Variants in TSPYL2 observed in about 807,000 individuals in gnomAD.
TSPYL2 encodes TSPY like 2, also known as testis-specific Y-encoded-like protein 2.
Under a neutral mutation model 33.0 loss-of-function variants are expected in TSPYL2, and 9 were observed. The ratio of observed to expected loss-of-function variants is 0.27; its 90% CI spans 0.16 to 0.48. The LOEUF is 0.48. TSPYL2 is among the 20% of genes least tolerant of loss of function. TSPYL2 has a pLI of 0.99. For synonymous variants in TSPYL2, 330 were observed against 233.6 expected, an observed-to-expected ratio of 1.41 and a Z score of -3.77; for missense variants, 636 against 586.2, an observed-to-expected ratio of 1.08 and a Z score of -0.88.
Position 53,082,966 on chromosome X carries a change from C to G in TSPYL2, c.468C>G (p.Pro156=), listed in dbSNP as rs1183440733. The G allele has an allele frequency of 1.7e-6, 2 of 1,208,431 alleles. No homozygotes were observed. The highest frequency in any genetic ancestry group is 2.2e-6 in the Non-Finnish European group (2 of 894,776). The change falls in exon 1 of 7, where the codon CCC becomes CCG. Residue 156 remains proline (P), a synonymous_variant. Coordinates refer to ENST00000375442, the MANE Select transcript of TSPYL2 (RefSeq NM_022117.4). ...CCTGTAGCGCAGTGGGGTGGGCGCC[C>G]CAGAGGTTAGTTGACCCGAAGAGCA... is the stretch of plus-strand genomic sequence containing the variant. ...LETCSAVGWA[P]QRLVDPKSKE...
rs1932668020 is a variant in TSPYL2 at position 53,083,159 on chromosome X, G to A, written c.661G>A (p.Asp221Asn). ...RMESILQALE[D>N]IQLDLEAVNI... ...GGAGAGCATCCTGCAGGCACTGGAG[G>A]ATATTCAGCTGGATCTGGAGGCAGT... is the stretch of plus-strand genomic sequence containing the variant. Residue 221 changes from aspartate to asparagine, a missense_variant, in exon 1 of 7, where the codon GAT becomes AAT. Transcript: ENST00000375442. The A allele has an allele frequency of 1.7e-6, 2 of 1,211,276 alleles. No individual in the cohort carries two copies. The highest frequency in any genetic ancestry group is 2.2e-6 in the Non-Finnish European group (2 of 895,412).
At chrX:53,084,025 A>C (rs1556807726) in intron 1 of TSPYL2, among the ~76,000 whole-genome samples, 3 of 112,161 alleles carry the variant, frequency 2.7e-5, no homozygotes. Context: ...ATGAAACAGC[A>C]CATGGTAAGA....
At chrX:53,083,343 G>A (rs782735362) in intron 1 of TSPYL2, 38 bp downstream of exon 1, 1 of 1,146,767 alleles carries the variant, frequency 8.7e-7, no homozygotes, top group South Asian at 1.8e-5. Flanking sequence ...TCAGAAGCCC[G>A]TGACAGGAAA....
Position 53,082,372 on chromosome X carries a change from G to T in TSPYL2, c.-127G>T, listed in dbSNP as rs1268805378. 3 of 618,043 alleles carry T rather than the reference G, an allele frequency of 4.9e-6. No individual in the cohort carries two copies. Among genetic ancestry groups the T allele is most frequent in the Non-Finnish European group, 6.9e-6 (3 of 432,634 alleles). 50.9% of individuals were successfully genotyped at this position (618,043 alleles called of 1,213,427 possible). On this transcript the variant is annotated 5_prime_UTR_variant, in exon 1 of 7. Coordinates refer to ENST00000375442, the MANE Select transcript of TSPYL2 (RefSeq NM_022117.4). Reference sequence around the variant, plus strand: ...GCGCTGTGGGAGGGAACGCCAGAGCGAGGTGGTGAGGAGAGCTGGTTGCGT... The same window carrying T: ...GCGCTGTGGGAGGGAACGCCAGAGCTAGGTGGTGAGGAGAGCTGGTTGCGT...
chrX:53,083,370 G>A (rs999544965), intron 1 of TSPYL2, 65 bp downstream of exon 1: 2 of 1,033,817 alleles, frequency 1.9e-6, no homozygotes, highest in African/African-American at 3.8e-5. Flanking sequence ...GGTGGGGGAG[G>A]GACAGAAAAG....
rs781877823 is a variant in TSPYL2, at chrX:53,084,720, G to A, written c.886-35G>A. On this transcript the variant is annotated intron_variant, in intron 2 of 6. Transcript: ENST00000375442. ...GGAAGGGCCGTGGTGTGTTGGGGGG[G>A]GGACAGATTCCACCATCACCCCCAC... The A allele has an allele frequency of 1.3e-5, 16 of 1,189,066 alleles. No individual in the cohort carries two copies. The South Asian group carries it at 2.9e-4, about 21-fold the overall frequency.
rs1420707628 is a variant in TSPYL2 at position 53,082,723 on chromosome X, C to T, written c.225C>T (p.Pro75=). ...GLGPALPPPP[P]YVILEEGGIR... is the part of the protein sequence containing the mutation. ...GCCCCGCGCTGCCCCCGCCGCCTCC[C>T]TATGTCATTCTCGAGGAGGGGGGGA... The change falls in exon 1 of 7, where the codon CCC becomes CCT. Residue 75 remains proline (P), a synonymous_variant. Coordinates refer to ENST00000375442, the MANE Select transcript of TSPYL2 (RefSeq NM_022117.4). 1.6e-5 allele frequency: 19 copies of T among 1,161,098 alleles called. No individual in the cohort carries two copies. The highest frequency in any genetic ancestry group is 1.9e-5 in the Non-Finnish European group (17 of 873,441).
intron 4 of TSPYL2, 50 bp from the exon 5 acceptor site, chrX:53,085,177 C>A: frequency 8.4e-7 from 1 of 1,184,145 alleles, no homozygotes; most frequent in South Asian, 1.9e-5. Flanking sequence ...AGAGGAGGAT[C>A]TGGAGCTTGT....
Position 53,085,206 on chromosome X carries a change from CCTT to C in TSPYL2, c.1144-18_1144-16del. The C allele has an allele frequency of 8.4e-7, 1 of 1,191,394 alleles. No individual in the cohort carries two copies. The highest frequency in any genetic ancestry group is 1.1e-6 in the Non-Finnish European group (1 of 883,728). Reference sequence around the variant, plus strand: ...AGCTTGTACTAATGGCTGTCTTATTCCTTCTCCCCTTTTTCAACAGATTATCAA... The same window carrying C: ...AGCTTGTACTAATGGCTGTCTTATTCCTCCCCTTTTTCAACAGATTATCAA... On this transcript the variant is annotated intron_variant, in intron 4 of 6. Coordinates refer to ENST00000375442, the MANE Select transcript of TSPYL2 (RefSeq NM_022117.4).
rs377186530 is a variant in TSPYL2 at position 53,082,402 on chromosome X, C to T, written c.-97C>T. ...GGTGAGGAGAGCTGGTTGCGTGAGT[C>T]TCCTCAGCTCTGCTTACCGGTGCGA... is the stretch of plus-strand genomic sequence containing the variant. On this transcript the variant is annotated 5_prime_UTR_variant, in exon 1 of 7. Coordinates refer to ENST00000375442, the MANE Select transcript of TSPYL2 (RefSeq NM_022117.4). 36 of 854,237 alleles carry T rather than the reference C, an allele frequency of 4.2e-5. No individual in the cohort carries two copies. The highest frequency in any genetic ancestry group is 5.5e-5 in the Non-Finnish European group (35 of 637,687). The allele number at this position is 854,237 out of a possible 1,213,427, so 70.4% of individuals were successfully genotyped here.
intron 6 of TSPYL2, 198 bp from the exon 7 acceptor site, chrX:53,087,578 A>T: frequency 2.3e-6 from 1 of 430,717 alleles, no homozygotes; most frequent in Middle Eastern, 6.4e-4. Flanking sequence ...GCCTCCCTCC[A>T]TCTCCCTCTC....
rs1437283793 is a variant in TSPYL2 at position 53,087,865 on chromosome X, G to A, written c.2008G>A (p.Asp670Asn). Residue 670 changes from aspartate to asparagine, a missense_variant, in exon 7 of 7, where the codon GAC (aspartate) becomes AAC (asparagine). This residue lies in a region of TSPYL2 where 401 missense variants were observed against 363.0 expected (regional missense o/e 1.10). Transcript: ENST00000375442. Reference sequence around the variant, plus strand: ...CTGGGAAGAAGGGGAAGATTCGGACGACTCTGACCTAGAGGATGTGCTTCA... The same window carrying A: ...CTGGGAAGAAGGGGAAGATTCGGACAACTCTGACCTAGAGGATGTGCTTCA... The part of the protein sequence containing the change: ...DVWEEGEDSD[D>N]SDLEDVLQVP... The A allele has an allele frequency of 3.3e-6, 4 of 1,210,344 alleles. No homozygotes were observed. Among genetic ancestry groups the A allele is most frequent in the Middle Eastern group, 4.6e-4 (2 of 4,345 alleles).
chrX:53,088,383 C>T lies in TSPYL2; in HGVS notation c.*444C>T, dbSNP rs1392288362. On this transcript the variant is annotated 3_prime_UTR_variant, in exon 7 of 7. Transcript: ENST00000375442. ...TCCTCTCCCAAGTTCTTTCTCCATC[C>T]CTCTCCTCTTCCCGCCGCGCCGCTA... 2.4e-5 allele frequency: 3 copies of T among 126,225 alleles called. No individual in the cohort carries two copies. The highest frequency in any genetic ancestry group is 8.2e-5 in the Admixed American group (1 of 12,181). The allele number at this position is 126,225 out of a possible 1,213,427, so 10.4% of individuals were successfully genotyped here.
rs370449744 is a variant in TSPYL2 at position 53,085,938 on chromosome X, G to C, written c.1546G>C (p.Glu516Gln). 4.1e-6 allele frequency: 5 copies of C among 1,206,529 alleles called. No homozygotes were observed. The African/African-American group carries it at 8.8e-5, about 21-fold the overall frequency. The change falls in exon 6 of 7, where the codon GAG becomes CAG. Residue 516 changes from glutamate to glutamine, a missense_variant. By Grantham distance (29) the Glu-to-Gln change is conservative (BLOSUM62 2). Transcript: ENST00000375442. Reference sequence around the variant, plus strand: ...CAATGAGAGTGCAGATGACAACAACGAGAATCCTGAAGACAATAACAAGAA... The same window carrying C: ...CAATGAGAGTGCAGATGACAACAACCAGAATCCTGAAGACAATAACAAGAA... ...DNNESADDNN[E>Q]NPEDNNKNTD... is the part of the protein sequence containing the mutation.
Position 53,088,049 on chromosome X carries a change from C to T in TSPYL2, c.*110C>T, listed in dbSNP as rs1932791715. 2 of 710,275 alleles carry T rather than the reference C, an allele frequency of 2.8e-6. No homozygotes were observed. The highest frequency in any genetic ancestry group is 2.7e-5 in the South Asian group (1 of 36,924). The allele number at this position is 710,275 out of a possible 1,213,427, so 58.5% of individuals were successfully genotyped here. The stretch of plus-strand genomic sequence containing the variant: ...CCCACATTGCACTTCTGGGGGGTGA[C>T]CGACTTCGTACACGGGTTTAAAGTT... On this transcript the variant is annotated 3_prime_UTR_variant, in exon 7 of 7. Coordinates refer to ENST00000375442, the MANE Select transcript of TSPYL2 (RefSeq NM_022117.4).
chrX:53,084,102 T>C (rs1339308914), intron 1 of TSPYL2, among the ~76,000 whole-genome samples: 3 of 111,876 alleles, frequency 2.7e-5, no homozygotes, highest in Non-Finnish European at 3.8e-5. Flanking sequence ...CACAGTATTA[T>C]GTGACCACAG....
At chrX:53,087,023 A>G (rs1291993099) in intron 6 of TSPYL2, 1 of 114,832 alleles carries the variant, frequency 8.7e-6, no homozygotes, top group Non-Finnish European at 1.8e-5. Context: ...GCATATAGTA[A>G]TACCCTCTTG....
chrX:53,086,044 G>C lies in TSPYL2; in HGVS notation c.1652G>C (p.Ser551Thr). 8.5e-7 allele frequency: 1 copy of C among 1,172,060 alleles called. No homozygotes were observed. The highest frequency in any genetic ancestry group is 1.1e-6 in the Non-Finnish European group (1 of 875,431). Residue 551 changes from serine to threonine, a missense_variant, in exon 6 of 7, where the codon AGC becomes ACC. Ser to Thr is a moderately conservative substitution (Grantham distance 58). Coordinates refer to ENST00000375442, the MANE Select transcript of TSPYL2 (RefSeq NM_022117.4). ...NNFFKGGFWG[S>T]HGNNQDSSDS... The stretch of plus-strand genomic sequence containing the variant: ...TTCTTCAAAGGTGGCTTCTGGGGCA[G>C]CCATGGCAACAACCAGGACAGCAGC...
chrX:53,082,579 G>T lies in TSPYL2; in HGVS notation c.81G>T (p.Pro27=). ...AGTCTCCACAGCGCGACCCGCCCCC[G>T]CCGCCGCCGCCGCCGCCGCTCCTCC... ...SSESPQRDPP[P]PPPPPPLLRL... The change falls in exon 1 of 7, where the codon CCG becomes CCT. Residue 27 remains proline (P), a synonymous_variant. Transcript: ENST00000375442. 9.8e-7 allele frequency: 1 copy of T among 1,022,904 alleles called. No homozygotes were observed. The highest frequency in any genetic ancestry group is 1.3e-6 in the Non-Finnish European group (1 of 787,807). 84.3% of individuals were successfully genotyped at this position (1,022,904 alleles called of 1,213,427 possible).
Sources: allele counts gnomAD v4.1 joint callset (sites outside exome capture counted in the v4.1 genomes callset), GRCh38; gene constraint gnomAD v4.1.1; regional missense constraint gnomAD v4.1.1; transcripts MANE v1.5; gene names NCBI Gene and HGNC (gene_info 2026-07-23, HGNC 2026-07-21).